The following HS3ST5 variants were observed in gnomAD, a reference collection of about 807,000 sequenced individuals.
HS3ST5 encodes heparan sulfate glucosamine 3-O-sulfotransferase 5.
Under a neutral mutation model 25.4 loss-of-function variants are expected in HS3ST5, and 10 were observed. The ratio of observed to expected loss-of-function variants is 0.39; its 90% confidence interval spans 0.24 to 0.67. The LOEUF is 0.67. HS3ST5 is among the 30% of genes least tolerant of loss of function. The probability of loss-of-function intolerance (pLI) is 0.44; values close to 1 mark genes in which losing one functional copy is unlikely to be tolerated. For missense variants in HS3ST5, 324 were observed against 420.7 expected (o/e 0.77, Z 2.01); for synonymous variants, 170 against 162.4 (o/e 1.05, Z -0.36).
rs532120882 is a variant in HS3ST5, at chr6:114,080,798, G to C, written c.-32-17921C>G. Among the ~76,000 whole-genome samples the C allele has an allele frequency of 2.6e-4, 39 of 152,250 alleles. No individual in the cohort carries two copies. In the South Asian group the frequency reaches 3.7e-3, roughly 15 times the overall value. ...ACTACTAGAGGTAGGAGGGAGAGAAGGGGCAAGGATTGAAAAACTAACTAT... is the reference window on the plus strand; with the variant it reads ...ACTACTAGAGGTAGGAGGGAGAGAACGGGCAAGGATTGAAAAACTAACTAT... On this transcript the variant is annotated intron_variant, in intron 3 of 4. Coordinates refer to ENST00000312719, the MANE Select transcript of HS3ST5 (RefSeq NM_153612.4).
chr6:114,213,324 G>T (rs1426401255), intron 2 of HS3ST5, among the ~76,000 whole-genome samples: 1 of 147,014 alleles, frequency 6.8e-6, no homozygotes, highest in African/African-American at 2.5e-5. Flanking sequence ...GGGTTTTTAT[G>T]GGTACAGGAT....
intron 3 of HS3ST5, among the ~76,000 whole-genome samples, chr6:114,160,426 G>T (rs1778892617): frequency 6.6e-6 from 1 of 151,928 alleles, no homozygotes; most frequent in Admixed American, 6.6e-5. Flanking sequence ...TTTCATTAAA[G>T]AAAAACTTGA....
intron 1 of HS3ST5, among the ~76,000 whole-genome samples, chr6:114,261,681 C>T (rs1773178729): frequency 6.6e-6 from 1 of 152,142 alleles, no homozygotes; most frequent in South Asian, 2.1e-4. Context: ...TAGTTTATTG[C>T]TAAATGAGTG....
intron 2 of HS3ST5, among the ~76,000 whole-genome samples, chr6:114,217,974 A>C (rs1196824194): frequency 6.6e-6 from 1 of 152,098 alleles, no homozygotes; most frequent in Non-Finnish European, 1.5e-5. Flanking sequence ...AACAAACACT[A>C]AACTACATAC....
intron 3 of HS3ST5, among the ~76,000 whole-genome samples, chr6:114,159,006 T>C (rs1778820430): frequency 6.6e-6 from 1 of 152,250 alleles, no homozygotes; most frequent in Non-Finnish European, 1.5e-5. Context: ...ATCTGCCTTT[T>C]GTTGAAATCT....
intron 3 of HS3ST5, among the ~76,000 whole-genome samples, chr6:114,141,454 A>C (rs1022387): frequency 0.33 from 50,779 of 152,062 alleles, 9,276 homozygotes; most frequent in East Asian, 0.61. Flanking sequence ...GGTAAGAAAA[A>C]GTTCCATAAG....
At chr6:114,076,247 A>C (rs1398981691) in intron 3 of HS3ST5, among the ~76,000 whole-genome samples, 1 of 152,080 alleles carries the variant, frequency 6.6e-6, no homozygotes, top group African/African-American at 2.4e-5. Flanking sequence ...AAACCACTTA[A>C]CCCCCTGATC....
intron 3 of HS3ST5, among the ~76,000 whole-genome samples, chr6:114,075,706 T>C (rs909171713): frequency 6.6e-6 from 1 of 152,188 alleles, no homozygotes; most frequent in Non-Finnish European, 1.5e-5. Context: ...CTATGGCTCT[T>C]CACAGTGGTA....
intron 3 of HS3ST5, among the ~76,000 whole-genome samples, chr6:114,150,857 A>G (rs1363868136): frequency 1.3e-5 from 2 of 152,208 alleles, no homozygotes; most frequent in African/African-American, 2.4e-5. Flanking sequence ...TGTGAATTAC[A>G]TTGGAAAACG....
At chr6:114,107,978 A>C (rs964617181) in intron 3 of HS3ST5, among the ~76,000 whole-genome samples, 2 of 152,128 alleles carry the variant, frequency 1.3e-5, no homozygotes, top group South Asian at 4.1e-4. Context: ...TTTTTTGGGT[A>C]GAAATTGATA....
At chr6:114,330,647 T>C (rs1776356188) in intron 1 of HS3ST5, among the ~76,000 whole-genome samples, 1 of 152,224 alleles carries the variant, frequency 6.6e-6, no homozygotes, top group Non-Finnish European at 1.5e-5. Flanking sequence ...CTATTTTCCT[T>C]TTCTGCACTG....
At chr6:114,142,671 G>A (rs760129854) in intron 3 of HS3ST5, 3 of 152,086 alleles carry the variant, frequency 2.0e-5, no homozygotes, top group South Asian at 2.1e-4. Context: ...ATAATAAAAC[G>A]ATTTCAAAGT....
At chr6:114,341,483 C>G (rs1014865062) in intron 1 of HS3ST5, among the ~76,000 whole-genome samples, 1 of 152,096 alleles carries the variant, frequency 6.6e-6, no homozygotes, top group Non-Finnish European at 1.5e-5. Context: ...CCAAGGTGGT[C>G]GCCCAAGTAA....
At chr6:114,134,651 G>C (rs1012867744) in intron 3 of HS3ST5, among the ~76,000 whole-genome samples, 3 of 152,192 alleles carry the variant, frequency 2.0e-5, no homozygotes, top group Admixed American at 2.0e-4. Context: ...TAGGGATGGA[G>C]AATCAGTTTT....
intron 3 of HS3ST5, among the ~76,000 whole-genome samples, chr6:114,092,393 C>T (rs1269005479): frequency 1.3e-5 from 2 of 152,112 alleles, no homozygotes; most frequent in Admixed American, 6.6e-5. Flanking sequence ...AAATCTCTCC[C>T]CAAGGAGCTT....
chr6:114,063,135 T>G (rs1773232257), intron 3 of HS3ST5, among the ~76,000 whole-genome samples: 1 of 152,170 alleles, frequency 6.6e-6, no homozygotes, highest in African/African-American at 2.4e-5. Flanking sequence ...GTGAGATAAT[T>G]GTCAAAGTAA....
At chr6:114,303,575 G>T (rs576839392) in intron 1 of HS3ST5, among the ~76,000 whole-genome samples, 1 of 152,036 alleles carries the variant, frequency 6.6e-6, no homozygotes, top group Admixed American at 6.6e-5. Context: ...AAAAGGCTCT[G>T]CAGGAAGAAG....
chr6:114,124,333 G>A (rs1416057122), intron 3 of HS3ST5, among the ~76,000 whole-genome samples: 1 of 152,154 alleles, frequency 6.6e-6, no homozygotes, highest in East Asian at 1.9e-4. Context: ...TGCAGGGTGT[G>A]CCAAGGATGC....
intron 2 of HS3ST5, among the ~76,000 whole-genome samples, chr6:114,215,198 C>T (rs1215351291): frequency 6.6e-6 from 1 of 151,818 alleles, no homozygotes; most frequent in African/African-American, 2.4e-5. Flanking sequence ...CTCAGCTTCT[C>T]GGGAGGCTGA....
Sources: gnomAD v4.1 joint callset for allele counts (sites outside exome capture counted in the v4.1 genomes callset) on GRCh38, gnomAD v4.1.1 for gene constraint, MANE v1.5 for transcripts, NCBI Gene and HGNC (gene_info 2026-07-23, HGNC 2026-07-21) for gene names.